The following CCNJL variants were observed in gnomAD, a reference collection of about 807,000 sequenced individuals.
CCNJL encodes the protein cyclin J like.
CCNJL carries 33 observed loss-of-function variants against 33.4 expected under a neutral mutation model. The observed-to-expected ratio is 0.99, with a 90% CI of 0.75 to 1.32. The LOEUF (loss-of-function observed/expected upper bound fraction) is 1.32. Among genes scored for constraint, CCNJL ranks in the 40% most tolerant of loss-of-function variants. The pLI is 0.00. For synonymous variants in CCNJL, 227 were observed against 220.9 expected, an observed-to-expected ratio of 1.03 and a Z score of -0.24; for missense variants, 512 against 499.7, an observed-to-expected ratio of 1.02 and a Z score of -0.23.
chr5:160,304,214 C>T (rs1763020294), intron 2 of CCNJL, among the ~76,000 whole-genome samples: 1 of 152,214 alleles, frequency 6.6e-6, no homozygotes. Flanking sequence ...ACCTAAAAGA[C>T]TCAAGTGACA....
At chr5:160,255,851 G>C (rs555664532) in intron 4 of CCNJL, 143 bp from the exon 5 acceptor site, 29 of 712,434 alleles carry the variant, frequency 4.1e-5, no homozygotes, top group Non-Finnish European at 5.8e-5. Context: ...TAGAAACTGT[G>C]AAGTTCCATT....
intron 1 of CCNJL, among the ~76,000 whole-genome samples, chr5:160,338,271 G>A (rs1345756936): frequency 1.3e-5 from 2 of 152,246 alleles, no homozygotes; most frequent in East Asian, 1.9e-4. Context: ...GTGGTGGCAT[G>A]GGCCTGTAGT....
chr5:160,312,078 C>A, intron 1 of CCNJL, 106 bp from the exon 2 acceptor site: 3 of 700,550 alleles, frequency 4.3e-6, no homozygotes, highest in East Asian at 5.4e-5. Context: ...CGGGCGCCCC[C>A]TCCTGCGCCG....
chr5:160,289,165 C>T (rs1762505107), intron 2 of CCNJL, among the ~76,000 whole-genome samples: 1 of 152,140 alleles, frequency 6.6e-6, no homozygotes, highest in Non-Finnish European at 1.5e-5. Context: ...ACCCAGCAGC[C>T]TCCTGTGGGC....
At chr5:160,320,932 TTTCC>T (rs1290149924) in intron 1 of CCNJL, among the ~76,000 whole-genome samples, 2 of 149,140 alleles carry the variant, frequency 1.3e-5, no homozygotes, top group African/African-American at 4.9e-5. Flanking sequence ...TCCTTCCTTC[TTTCC>T]TTCCTTCCTT....
At chr5:160,270,949 T>G (rs1456547806) in intron 3 of CCNJL, among the ~76,000 whole-genome samples, 1 of 152,170 alleles carries the variant, frequency 6.6e-6, no homozygotes, top group Non-Finnish European at 1.5e-5. Flanking sequence ...GGCATCAGAC[T>G]TTCCTAGAAA....
chr5:160,284,243 T>G (rs1419057646), intron 2 of CCNJL, among the ~76,000 whole-genome samples: 1 of 151,942 alleles, frequency 6.6e-6, no homozygotes, highest in Non-Finnish European at 1.5e-5. Flanking sequence ...TCCCAGTTAC[T>G]TAGGAGGCTG....
chr5:160,273,199 G>A (rs931175817), intron 3 of CCNJL, among the ~76,000 whole-genome samples: 1 of 152,204 alleles, frequency 6.6e-6, no homozygotes, highest in Non-Finnish European at 1.5e-5. Context: ...AAGGTACAAG[G>A]TTAGGTTCCT....
At chr5:160,303,716 GTGTGTGTGTGTC>G (rs879693973) in intron 2 of CCNJL, among the ~76,000 whole-genome samples, 1,279 of 102,780 alleles carry the variant, frequency 0.012, 9 homozygotes, top group South Asian at 0.03. Context: ...GTGTGTGTGT[GTGTGTGTGTGTC>G]TGTGTGTGTG....
At chr5:160,280,357 C>T (rs544061122) in intron 3 of CCNJL, among the ~76,000 whole-genome samples, 168 bp downstream of exon 3, 10 of 152,232 alleles carry the variant, frequency 6.6e-5, no homozygotes, top group Admixed American at 5.9e-4. Context: ...ATTAAAGATG[C>T]TAAAAAATGT....
chr5:160,325,937 G>A (rs1221480570), intron 1 of CCNJL, among the ~76,000 whole-genome samples: 1 of 152,150 alleles, frequency 6.6e-6, no homozygotes, highest in Non-Finnish European at 1.5e-5. Context: ...GCAGAGGTGA[G>A]TAGTTGAGAC....
chr5:160,311,753 A>G (rs1465297477), intron 2 of CCNJL, 105 bp downstream of exon 2: 3 of 996,986 alleles, frequency 3.0e-6, no homozygotes, highest in Non-Finnish European at 3.2e-6. Flanking sequence ...AAAAAAAGGC[A>G]CCCGGGAGTT....
intron 2 of CCNJL, among the ~76,000 whole-genome samples, chr5:160,308,725 T>C (rs192246896): frequency 5.3e-5 from 8 of 152,332 alleles, no homozygotes; most frequent in Admixed American, 3.9e-4. Context: ...CACTGCACTC[T>C]AGCCTGTGCG....
intron 2 of CCNJL, among the ~76,000 whole-genome samples, chr5:160,289,813 G>A (rs1580991484): frequency 1.3e-5 from 2 of 152,278 alleles, no homozygotes; most frequent in East Asian, 1.9e-4. Context: ...CCCGTCCCCA[G>A]GTGCTGACCT....
chr5:160,321,014 CTTTCTTTCTTTCTTTCTTT>C (rs1763449637), intron 1 of CCNJL, among the ~76,000 whole-genome samples: 1 of 35,946 alleles, frequency 2.8e-5, no homozygotes, highest in African/African-American at 1.2e-4. Flanking sequence ...CTCTCTCTCT[CTTTCTTTCTTTCTTTCTTT>C]CTTTCTTTCT....
intron 3 of CCNJL, among the ~76,000 whole-genome samples, chr5:160,280,251 C>T (rs993535928): frequency 8.5e-5 from 13 of 152,260 alleles, no homozygotes; most frequent in African/African-American, 2.9e-4. Flanking sequence ...CCTCTCTGTG[C>T]CTCTGTAAAG....
Position 160,277,303 on chromosome 5 carries a change from G to T in CCNJL, c.280+3222C>A, listed in dbSNP as rs377553297. 3.6e-3 allele frequency among the ~76,000 whole-genome samples: 553 copies of T among 152,278 alleles called. 5 individuals carry two copies. The highest frequency in any genetic ancestry group is 0.013 in the African/African-American group (526 of 41,554). Reference sequence around the variant, plus strand: ...TCCAGCATGTAGAAAGAACAGTAAGGAAGGAAGCCACAGCCGCTGTGATGC... The same window carrying T: ...TCCAGCATGTAGAAAGAACAGTAAGTAAGGAAGCCACAGCCGCTGTGATGC... On this transcript the variant is annotated intron_variant, in intron 3 of 5. Transcript: ENST00000257536.
At chr5:160,288,229 A>T (rs1357881562) in intron 2 of CCNJL, among the ~76,000 whole-genome samples, 2 of 105,444 alleles carry the variant, frequency 1.9e-5, no homozygotes, top group Non-Finnish European at 3.4e-5. Flanking sequence ...GAGATCTTGC[A>T]TTTTCACGAT....
At chr5:160,316,669 C>T (rs1469726939), upstream of CCNJL, among the ~76,000 whole-genome samples, 1 of 152,194 alleles carries the variant, frequency 6.6e-6, no homozygotes, top group Admixed American at 6.5e-5. Flanking sequence ...CCAGTGTAGA[C>T]ATTCATGCCT....
Sources: allele counts gnomAD v4.1 joint callset (sites outside exome capture counted in the v4.1 genomes callset), GRCh38; gene constraint gnomAD v4.1.1; transcripts MANE v1.5; gene names NCBI Gene and HGNC (gene_info 2026-07-23, HGNC 2026-07-21).